RIMS2: variants seen among roughly 807,000 people sequenced by gnomAD.
The protein encoded by RIMS2 is regulating synaptic membrane exocytosis protein 2.
RIMS2 carries 59 observed loss-of-function variants against 174.4 expected under a neutral mutation model. The ratio of observed to expected loss-of-function variants is 0.34; its 90% CI spans 0.27 to 0.42. RIMS2 has a LOEUF of 0.42. Ranked by LOEUF, RIMS2 falls within the 10% of genes least tolerant of loss-of-function variation. The pLI, the probability that RIMS2 is intolerant of heterozygous loss-of-function variation, is 1.00. For synonymous variants in RIMS2, 606 were observed against 572.5 expected (o/e 1.06, Z -0.84); for missense variants, 1,620 against 1,666.3 (o/e 0.97, Z 0.48).
chr8:103,646,925 A>T (rs912439274), intron 1 of RIMS2, among the ~76,000 whole-genome samples: 12 of 152,142 alleles, frequency 7.9e-5, no homozygotes, highest in Non-Finnish European at 1.6e-4. Flanking sequence ...TTTCAAGAAG[A>T]ATGTTTCCAG....
intron 1 of RIMS2, among the ~76,000 whole-genome samples, chr8:103,608,869 C>T (rs1168334292): frequency 2.0e-5 from 3 of 152,204 alleles, no homozygotes; most frequent in Non-Finnish European, 2.9e-5. Context: ...GTGCACGCAC[C>T]CACTGACCTG....
intron 8 of RIMS2, among the ~76,000 whole-genome samples, chr8:103,917,694 A>T (rs545864941): frequency 6.6e-6 from 1 of 152,266 alleles, no homozygotes; most frequent in African/African-American, 2.4e-5. Flanking sequence ...CATAAGAAAC[A>T]TGTTTGCCTT....
rs1029838323 is a variant in RIMS2, at chr8:103,752,729, CTGTT to C, written c.388-13494_388-13491del. 4.2e-3 allele frequency among the ~76,000 whole-genome samples: 643 copies of C among 152,218 alleles called. 4 individuals carry two copies. The highest frequency in any genetic ancestry group is 0.015 in the African/African-American group (611 of 41,522). On this transcript the variant is annotated intron_variant, in intron 2 of 23. Transcript: ENST00000504942. ...GGGAGTTCACTCATGATTTGGCTCT[CTGTT>C]TGTCTCTTATTGGTGTATAAGCATG... is the stretch of plus-strand genomic sequence containing the variant.
At chr8:103,501,154 C>T (rs1586230717) in intron 1 of RIMS2, 92 bp downstream of exon 1, 2 of 1,012,690 alleles carry the variant, frequency 2.0e-6, no homozygotes, top group East Asian at 6.3e-5. Flanking sequence ...CAGTTCGCCG[C>T]CCTCCCTCCC....
intron 3 of RIMS2, among the ~76,000 whole-genome samples, chr8:103,793,996 G>A (rs1483308251): frequency 3.9e-5 from 6 of 152,090 alleles, no homozygotes; most frequent in African/African-American, 1.4e-4. Flanking sequence ...TCGTGAAAAT[G>A]GCCATACTGC....
chr8:104,090,877 A>G (rs2097642837), intron 19 of RIMS2, among the ~76,000 whole-genome samples: 1 of 151,886 alleles, frequency 6.6e-6, no homozygotes, highest in African/African-American at 2.4e-5. Context: ...TAATGTATTT[A>G]TTAAGTATTT....
chr8:104,061,575 T>C (rs1194466333), intron 19 of RIMS2, among the ~76,000 whole-genome samples: 1 of 150,632 alleles, frequency 6.6e-6, no homozygotes, highest in Non-Finnish European at 1.5e-5. Context: ...TGTATCAGTC[T>C]TCAAATCTTT....
At chr8:104,010,842 T>C (rs2095739410) in intron 17 of RIMS2, among the ~76,000 whole-genome samples, 1 of 152,154 alleles carries the variant, frequency 6.6e-6, no homozygotes, top group Non-Finnish European at 1.5e-5. Flanking sequence ...TGGAATAATA[T>C]TTTATATGCA....
chr8:104,013,568 G>A (rs746828846), exon 18 of RIMS2: 8 of 1,613,552 alleles, frequency 5.0e-6, no homozygotes, highest in East Asian at 2.2e-5. Context: ...TCATGAGGTC[G>A]ATGCCTTCAT....
At chr8:104,165,802 T>C (rs1036130183) in intron 19 of RIMS2, among the ~76,000 whole-genome samples, 3 of 152,182 alleles carry the variant, frequency 2.0e-5, no homozygotes, top group Non-Finnish European at 4.4e-5. Context: ...AGCACTTAGA[T>C]TTTTTAAAAG....
chr8:104,133,484 G>A (rs1404205877), intron 19 of RIMS2, among the ~76,000 whole-genome samples: 1 of 152,116 alleles, frequency 6.6e-6, no homozygotes, highest in Non-Finnish European at 1.5e-5. Flanking sequence ...GGAAGATAAG[G>A]GAATTCCTTC....
At chr8:103,902,690 A>T (rs990571460) in intron 4 of RIMS2, among the ~76,000 whole-genome samples, 43 of 152,162 alleles carry the variant, frequency 2.8e-4, no homozygotes, top group African/African-American at 1.0e-3. Flanking sequence ...GGAAGGCTTC[A>T]GCAATATGTC....
At chr8:103,687,739 C>T (rs2136957260) in intron 1 of RIMS2, among the ~76,000 whole-genome samples, 1 of 152,250 alleles carries the variant, frequency 6.6e-6, no homozygotes, top group Admixed American at 6.5e-5. Flanking sequence ...TAAGATTTCA[C>T]ATGTAAATGA....
chr8:103,826,505 G>A (rs111947291), intron 3 of RIMS2, among the ~76,000 whole-genome samples: 8 of 151,582 alleles, frequency 5.3e-5, no homozygotes, highest in African/African-American at 1.9e-4. Context: ...TTCTTCATTG[G>A]ATGGATTTAT....
intron 19 of RIMS2, among the ~76,000 whole-genome samples, chr8:104,024,599 C>T (rs981171614): frequency 7.9e-5 from 12 of 151,940 alleles, no homozygotes; most frequent in African/African-American, 2.2e-4. Context: ...GTAGTTCAAC[C>T]AATGTCTGCT....
At chr8:104,192,171 A>C (rs944524291) in intron 19 of RIMS2, among the ~76,000 whole-genome samples, 2 of 152,208 alleles carry the variant, frequency 1.3e-5, no homozygotes, top group African/African-American at 4.8e-5. Context: ...AAACATATGA[A>C]ATGCAAATAT....
At chr8:103,726,528 T>C (rs941145364) in intron 2 of RIMS2, among the ~76,000 whole-genome samples, 20 of 151,828 alleles carry the variant, frequency 1.3e-4, no homozygotes, top group African/African-American at 4.6e-4. Context: ...TTAGAATCAA[T>C]TTGTTTAGTC....
chr8:103,657,703 G>A (rs1049049294), intron 1 of RIMS2, among the ~76,000 whole-genome samples: 2 of 152,138 alleles, frequency 1.3e-5, no homozygotes, highest in African/African-American at 2.4e-5. Flanking sequence ...AAACGTTCCT[G>A]CCCATGTTTT....
At chr8:103,599,876 TA>T (rs1196124793) in intron 1 of RIMS2, among the ~76,000 whole-genome samples, 1 of 152,194 alleles carries the variant, frequency 6.6e-6, no homozygotes, top group Non-Finnish European at 1.5e-5. Context: ...TTCAAGCCTT[TA>T]TCCTTTGTGT....
Sources: allele counts gnomAD v4.1 joint callset (sites outside exome capture counted in the v4.1 genomes callset), GRCh38; gene constraint gnomAD v4.1.1; transcripts MANE v1.5; gene names NCBI Gene and HGNC (gene_info 2026-07-23, HGNC 2026-07-21).